Variants in DLG2 observed in about 807,000 individuals in gnomAD.
DLG2 encodes the protein discs large MAGUK scaffold protein 2.
Under a neutral mutation model 132.5 loss-of-function variants are expected in DLG2, and 45 were observed. That is an observed-to-expected ratio of 0.34 (90% CI 0.27 to 0.44). The LOEUF (loss-of-function observed/expected upper bound fraction) is 0.44. DLG2 is among the 20% of genes least tolerant of loss of function. The pLI is 1.00. For missense variants in DLG2, 1,045 were observed against 1,196.9 expected (o/e 0.87, Z 1.87); for synonymous variants, 424 against 419.6 (o/e 1.01, Z -0.13).
At chr11:84,110,563 G>A (rs2093286109) in intron 9 of DLG2, among the ~76,000 whole-genome samples, 1 of 152,148 alleles carries the variant, frequency 6.6e-6, no homozygotes, top group Non-Finnish European at 1.5e-5. Flanking sequence ...GGCTAGAAGA[G>A]CTATTAGATC....
At chr11:84,714,627 C>CTTTCTCTT (rs1253592204) in intron 6 of DLG2, among the ~76,000 whole-genome samples, 18 of 107,368 alleles carry the variant, frequency 1.7e-4, no homozygotes, top group Middle Eastern at 4.5e-3. Flanking sequence ...TTCTCTTTCT[C>CTTTCTCTT]TCTCTCTCTC....
chr11:84,328,172 A>G (rs1030514934), intron 7 of DLG2, among the ~76,000 whole-genome samples: 21 of 152,154 alleles, frequency 1.4e-4, no homozygotes, highest in Admixed American at 3.9e-4. Flanking sequence ...ATGAGGGAGA[A>G]AATGTATGAA....
intron 7 of DLG2, among the ~76,000 whole-genome samples, chr11:84,416,275 A>G (rs992259388): frequency 1.3e-5 from 2 of 152,192 alleles, no homozygotes; most frequent in Non-Finnish European, 2.9e-5. Flanking sequence ...GCTTCTTAAG[A>G]ATTTCCCCAA....
intron 6 of DLG2, among the ~76,000 whole-genome samples, chr11:84,757,936 C>A (rs142081360): frequency 8.9e-4 from 136 of 152,236 alleles, no homozygotes; most frequent in African/African-American, 3.2e-3. Flanking sequence ...CATGGGAATT[C>A]CCCTTTAGCC....
intron 6 of DLG2, chr11:84,546,729 G>T: frequency 2.3e-6 from 1 of 430,810 alleles, no homozygotes; most frequent in Non-Finnish European, 4.5e-6. Context: ...GTCCATGAGT[G>T]CTCCCAATTG....
intron 19 of DLG2, among the ~76,000 whole-genome samples, chr11:83,560,994 C>T (rs977521878): frequency 8.6e-6 from 1 of 115,888 alleles, no homozygotes; most frequent in African/African-American, 3.6e-5. Flanking sequence ...CTAGGGAAAC[C>T]TCAGGAAACT....
chr11:84,696,342 C>T (rs1233061819), intron 6 of DLG2, among the ~76,000 whole-genome samples: 1 of 151,280 alleles, frequency 6.6e-6, no homozygotes, highest in Admixed American at 6.6e-5. Context: ...TATTATTCAC[C>T]CAAATCTATA....
intron 6 of DLG2, among the ~76,000 whole-genome samples, chr11:85,100,060 G>T (rs539631907): frequency 1.0e-3 from 157 of 152,198 alleles, no homozygotes; most frequent in African/African-American, 3.6e-3. Flanking sequence ...AATTGTAAAA[G>T]AAATCACCAT....
At chr11:83,764,876 T>C (rs1467547605) in intron 18 of DLG2, among the ~76,000 whole-genome samples, 1 of 152,202 alleles carries the variant, frequency 6.6e-6, no homozygotes, top group Non-Finnish European at 1.5e-5. Flanking sequence ...TGTCCCAGAC[T>C]TGAGGAGAGA....
At chr11:85,121,848 A>ATATGTGTG (rs1491160939) in intron 5 of DLG2, among the ~76,000 whole-genome samples, 1 of 152,162 alleles carries the variant, frequency 6.6e-6, no homozygotes, top group Non-Finnish European at 1.5e-5. Flanking sequence ...ACACATGTAC[A>ATATGTGTG]TATGTGTGTA....
intron 27 of DLG2, 92 bp downstream of exon 27, chr11:83,461,910 G>A: frequency 1.2e-6 from 1 of 841,308 alleles, no homozygotes; most frequent in South Asian, 1.4e-5. Context: ...AAGGTTTTAG[G>A]GCACAAGTAC....
rs542476924 is a variant in DLG2 at position 84,243,017 on chromosome 11, C to CTCTCTCTCTCTA, written c.573+8220_573+8221insTAGAGAGAGAGA. On this transcript the variant is annotated intron_variant, in intron 8 of 27. Coordinates refer to ENST00000376104, the MANE Select transcript of DLG2 (RefSeq NM_001142699.3). ...GTTCTCTCTCTCTCTCTCTCTCTCT[C>CTCTCTCTCTCTA]TATATATATATATATATATATACAC... Among the ~76,000 whole-genome samples, 886 of 142,124 alleles carry CTCTCTCTCTCTA rather than the reference C, an allele frequency of 6.2e-3. 6 individuals carry two copies. The highest frequency in any genetic ancestry group is 0.016 in the South Asian group (69 of 4,338). 93.2% of individuals were successfully genotyped at this position (142,124 alleles called of 152,430 possible).
At chr11:83,535,285 T>A (rs2141203928) in intron 20 of DLG2, among the ~76,000 whole-genome samples, 1 of 152,350 alleles carries the variant, frequency 6.6e-6, no homozygotes, top group South Asian at 2.1e-4. Flanking sequence ...CCAAAATGGC[T>A]GTAGTATGCA....
chr11:84,478,098 C>G (rs2099126728), intron 7 of DLG2, among the ~76,000 whole-genome samples: 1 of 152,110 alleles, frequency 6.6e-6, no homozygotes, highest in Non-Finnish European at 1.5e-5. Flanking sequence ...CTCTAAACCT[C>G]TATGTACTTA....
At chr11:84,752,453 G>A (rs781174920) in intron 6 of DLG2, among the ~76,000 whole-genome samples, 5 of 151,924 alleles carry the variant, frequency 3.3e-5, no homozygotes, top group Admixed American at 6.6e-5. Flanking sequence ...GTAGAAGGAT[G>A]TATGTGGACT....
intron 6 of DLG2, among the ~76,000 whole-genome samples, chr11:84,871,199 G>C (rs73516955): frequency 0.01 from 1,536 of 152,274 alleles, 32 homozygotes; most frequent in African/African-American, 0.034. Context: ...ATTTACAGTG[G>C]AACTTCTGAA....
intron 3 of DLG2, among the ~76,000 whole-genome samples, chr11:85,463,470 T>A (rs531067395): frequency 6.6e-6 from 1 of 152,176 alleles, no homozygotes; most frequent in African/African-American, 2.4e-5. Flanking sequence ...ATAAGAAATG[T>A]GTAGAATGAA....
At chr11:84,955,129 C>A (rs2154105207) in intron 6 of DLG2, among the ~76,000 whole-genome samples, 1 of 152,250 alleles carries the variant, frequency 6.6e-6, no homozygotes, top group South Asian at 2.1e-4. Flanking sequence ...AGCTTGCAGA[C>A]CTCTGTTCTA....
At chr11:85,414,854 C>CTCTT (rs1196778455) in intron 3 of DLG2, among the ~76,000 whole-genome samples, 3 of 151,530 alleles carry the variant, frequency 2.0e-5, no homozygotes, top group African/African-American at 7.3e-5. Context: ...TATAATGTCC[C>CTCTT]TCTTTCTCTT....
Sources: gnomAD v4.1 joint callset for allele counts (sites outside exome capture counted in the v4.1 genomes callset) on GRCh38, gnomAD v4.1.1 for gene constraint, MANE v1.5 for transcripts, NCBI Gene and HGNC (gene_info 2026-07-23, HGNC 2026-07-21) for gene names.